The following MALRD1 variants were observed in gnomAD, a reference collection of about 807,000 sequenced individuals.
The protein encoded by MALRD1 is MAM and LDL receptor class A domain containing 1.
A neutral mutation model predicts 242.1 loss-of-function variants in MALRD1; 247 were observed. That is an observed-to-expected ratio of 1.02 (90% confidence interval 0.92 to 1.13). MALRD1 has a LOEUF of 1.13. Among genes scored for constraint, MALRD1 ranks in the 50% most tolerant of loss-of-function variants. The pLI, the probability that MALRD1 is intolerant of heterozygous loss-of-function variation, is 0.00. For missense variants in MALRD1, 2,989 were observed against 2,533.1 expected, an observed-to-expected ratio of 1.18 and a Z score of -3.86; for synonymous variants, 995 against 866.6, an observed-to-expected ratio of 1.15 and a Z score of -2.60.
chr10:19,420,159 C>T (rs1327087265), intron 28 of MALRD1, among the ~76,000 whole-genome samples: 1 of 152,078 alleles, frequency 6.6e-6, no homozygotes, highest in Admixed American at 6.6e-5. Context: ...CTGTCGTTCC[C>T]CTGTCGGCTA....
At chr10:19,060,120 GT>G (rs996767854) in intron 1 of MALRD1, among the ~76,000 whole-genome samples, 1 of 152,072 alleles carries the variant, frequency 6.6e-6, no homozygotes, top group Non-Finnish European at 1.5e-5. Context: ...TTTTTATTTT[GT>G]TTTGGAGCAT....
At chr10:19,204,502 C>G in intron 16 of MALRD1, 89 bp downstream of exon 16, 1 of 797,612 alleles carries the variant, frequency 1.3e-6, no homozygotes, top group Non-Finnish European at 2.0e-6. Flanking sequence ...TTATTCATTT[C>G]TGTGGTTTAC....
At chr10:19,398,686 G>C (rs892745841) in intron 28 of MALRD1, among the ~76,000 whole-genome samples, 20 of 152,196 alleles carry the variant, frequency 1.3e-4, no homozygotes, top group Admixed American at 3.9e-4. Context: ...TTATAAGGAG[G>C]CTGAAGAATT....
At chr10:19,658,916 T>A (rs1009628199) in intron 36 of MALRD1, among the ~76,000 whole-genome samples, 8 of 152,310 alleles carry the variant, frequency 5.3e-5, no homozygotes, top group South Asian at 4.1e-4. Context: ...TGATTTTTTT[T>A]AAGAAAGAAA....
intron 14 of MALRD1, among the ~76,000 whole-genome samples, chr10:19,200,679 A>G (rs1487591825): frequency 6.1e-5 from 4 of 65,982 alleles, no homozygotes; most frequent in Admixed American, 4.0e-4. Context: ...TTTGGCTTCT[A>G]CATAAATTCG....
At chr10:19,126,408 C>T (rs1182591604) in intron 7 of MALRD1, among the ~76,000 whole-genome samples, 2 of 152,128 alleles carry the variant, frequency 1.3e-5, no homozygotes, top group South Asian at 2.1e-4. Context: ...ATATAATTTA[C>T]TCTATTTTGA....
chr10:19,564,347 CTA>C (rs1395599062), intron 32 of MALRD1, among the ~76,000 whole-genome samples: 1 of 152,018 alleles, frequency 6.6e-6, no homozygotes, highest in African/African-American at 2.4e-5. Flanking sequence ...TTTGGTCTAT[CTA>C]TGTTTAAATT....
intron 10 of MALRD1, among the ~76,000 whole-genome samples, chr10:19,137,520 T>TG (rs770469563): frequency 1.9e-4 from 28 of 148,500 alleles, no homozygotes; most frequent in Non-Finnish European, 3.5e-4. Flanking sequence ...GTAGGAGAAC[T>TG]GCCTGAACAT....
chr10:19,095,000 T>G (rs185158924), intron 4 of MALRD1, among the ~76,000 whole-genome samples: 48 of 152,340 alleles, frequency 3.2e-4, no homozygotes, highest in Admixed American at 8.5e-4. Context: ...TCCTTAAAAC[T>G]TTCTAATCTT....
chr10:19,394,262 T>C (rs1846478133), intron 28 of MALRD1, among the ~76,000 whole-genome samples: 1 of 152,172 alleles, frequency 6.6e-6, no homozygotes, highest in Non-Finnish European at 1.5e-5. Flanking sequence ...TCTCAGCTAT[T>C]CATTTTACAG....
chr10:19,347,460 G>A (rs1414841528), intron 24 of MALRD1, among the ~76,000 whole-genome samples: 1 of 152,140 alleles, frequency 6.6e-6, no homozygotes, highest in African/African-American at 2.4e-5. Context: ...GAGAAGCATA[G>A]ATGAGAAGAC....
chr10:19,713,202 A>G (rs1202509452), intron 38 of MALRD1, among the ~76,000 whole-genome samples: 1 of 152,174 alleles, frequency 6.6e-6, no homozygotes, highest in Admixed American at 6.5e-5. Context: ...AAAAAGACAC[A>G]TAAAATATTA....
chr10:19,622,246 G>A (rs1839436945), intron 36 of MALRD1, among the ~76,000 whole-genome samples: 1 of 151,534 alleles, frequency 6.6e-6, no homozygotes, highest in Non-Finnish European at 1.5e-5. Context: ...ATTGATAAAA[G>A]TTAATTCAAA....
At chr10:19,370,657 A>C (rs570769828) in intron 26 of MALRD1, among the ~76,000 whole-genome samples, 1 of 152,182 alleles carries the variant, frequency 6.6e-6, no homozygotes, top group South Asian at 2.1e-4. Context: ...AGTTCACTTC[A>C]ACCTCTGCCT....
chr10:19,158,549 A>G (rs1438384982), intron 12 of MALRD1, among the ~76,000 whole-genome samples: 2 of 152,210 alleles, frequency 1.3e-5, no homozygotes, highest in Non-Finnish European at 2.9e-5. Flanking sequence ...AGTAAAGAGA[A>G]ATAAACAAAA....
intron 1 of MALRD1, among the ~76,000 whole-genome samples, chr10:19,057,417 AG>A (rs1834700899): frequency 6.6e-6 from 1 of 152,100 alleles, no homozygotes; most frequent in Non-Finnish European, 1.5e-5. Context: ...TGTTCTTGAG[AG>A]GGCAGTCATC....
chr10:19,444,076 C>T (rs540628015), intron 28 of MALRD1, among the ~76,000 whole-genome samples: 1 of 152,098 alleles, frequency 6.6e-6, no homozygotes, highest in African/African-American at 2.4e-5. Flanking sequence ...CCCTCTTTGT[C>T]TCTTTTGATC....
chr10:19,129,979 C>G (rs1173953532), intron 8 of MALRD1, among the ~76,000 whole-genome samples: 1 of 151,118 alleles, frequency 6.6e-6, no homozygotes, highest in Non-Finnish European at 1.5e-5. Flanking sequence ...TCCATATACA[C>G]ACATATAGAT....
chr10:19,412,318 T>G (rs1394282655), intron 28 of MALRD1, among the ~76,000 whole-genome samples: 4 of 152,152 alleles, frequency 2.6e-5, no homozygotes, highest in Non-Finnish European at 5.9e-5. Context: ...TTTATAATAT[T>G]ATGTACTCTC....
Sources: allele counts gnomAD v4.1 joint callset (sites outside exome capture counted in the v4.1 genomes callset), GRCh38; gene constraint gnomAD v4.1.1; transcripts MANE v1.5; gene names NCBI Gene and HGNC (gene_info 2026-07-23, HGNC 2026-07-21).